COG5: variants seen among roughly 807,000 people sequenced by gnomAD.
The protein encoded by COG5 is component of oligomeric golgi complex 5.
A neutral mutation model predicts 110.4 loss-of-function variants in COG5; 86 were observed. The observed-to-expected ratio is 0.78, with a 90% CI of 0.65 to 0.93. The LOEUF (loss-of-function observed/expected upper bound fraction) is 0.93, where lower values mean the gene tolerates loss of function less well. COG5 is among the 40% of genes least tolerant of loss of function. The pLI, the probability that COG5 is intolerant of heterozygous loss-of-function variation, is 0.00. For missense variants in COG5, 1,077 were observed against 987.0 expected (o/e 1.09, Z -1.22); for synonymous variants, 360 against 334.6 (o/e 1.08, Z -0.83).
At chr7:107,273,111 C>T (rs1804415281) in intron 14 of COG5, among the ~76,000 whole-genome samples, 1 of 152,158 alleles carries the variant, frequency 6.6e-6, no homozygotes, top group Admixed American at 6.5e-5. Flanking sequence ...GTCTCCAATT[C>T]AGAACCCTAT....
chr7:107,527,431 C>T, intron 5 of COG5, 74 bp from the exon 6 acceptor site: 1 of 1,533,594 alleles, frequency 6.5e-7, no homozygotes, highest in Non-Finnish European at 8.9e-7. Context: ...TAATAACAAG[C>T]ACAGTGGGTT....
chr7:107,411,667 T>G (rs1455203517), intron 7 of COG5, among the ~76,000 whole-genome samples: 1 of 152,164 alleles, frequency 6.6e-6, no homozygotes, highest in Non-Finnish European at 1.5e-5. Flanking sequence ...AGTACCTGAT[T>G]CAGTTATATT....
chr7:107,334,233 A>G (rs1810510317), intron 10 of COG5, among the ~76,000 whole-genome samples: 1 of 152,158 alleles, frequency 6.6e-6, no homozygotes, highest in Admixed American at 6.6e-5. Flanking sequence ...AAAGAATGAA[A>G]TCCTGTCATT....
chr7:107,408,137 A>C (rs1791999652), intron 7 of COG5, among the ~76,000 whole-genome samples: 1 of 152,238 alleles, frequency 6.6e-6, no homozygotes, highest in Admixed American at 6.5e-5. Flanking sequence ...CTCGTGGGAC[A>C]AATCTGGTTT....
intron 6 of COG5, among the ~76,000 whole-genome samples, chr7:107,439,409 C>G (rs1056183241): frequency 6.6e-6 from 1 of 152,122 alleles, no homozygotes; most frequent in Non-Finnish European, 1.5e-5. Context: ...TTTTCTCGAG[C>G]CCATTATAAA....
At chr7:107,377,694 C>CA (rs1476396983) in intron 7 of COG5, among the ~76,000 whole-genome samples, 2 of 152,132 alleles carry the variant, frequency 1.3e-5, no homozygotes, top group Non-Finnish European at 2.9e-5. Context: ...TGCATAACAG[C>CA]AAAAATAAGA....
chr7:107,225,786 T>G (rs535576678), intron 19 of COG5, among the ~76,000 whole-genome samples: 11 of 152,352 alleles, frequency 7.2e-5, no homozygotes, highest in Admixed American at 3.3e-4. Flanking sequence ...CTCTTGCCTG[T>G]AATCCCAACA....
intron 5 of COG5, among the ~76,000 whole-genome samples, chr7:107,528,710 C>T (rs1289069477): frequency 6.6e-6 from 1 of 152,102 alleles, no homozygotes; most frequent in Non-Finnish European, 1.5e-5. Context: ...CCAAGGCTAA[C>T]TGAGAAGCAA....
intron 14 of COG5, among the ~76,000 whole-genome samples, chr7:107,279,430 A>T (rs530914843): frequency 6.6e-6 from 1 of 152,336 alleles, no homozygotes; most frequent in South Asian, 2.1e-4. Flanking sequence ...TATCCAATTC[A>T]AAAATCTGTT....
chr7:107,229,570 C>T (rs141046127), intron 19 of COG5, among the ~76,000 whole-genome samples: 1 of 152,246 alleles, frequency 6.6e-6, no homozygotes, highest in East Asian at 1.9e-4. Flanking sequence ...CTAGTAAAGA[C>T]CACAGTCATT....
intron 6 of COG5, among the ~76,000 whole-genome samples, chr7:107,413,081 A>C (rs1792429029): frequency 6.6e-6 from 1 of 151,888 alleles, no homozygotes; most frequent in African/African-American, 2.4e-5. Context: ...CACACATGTG[A>C]TTATAGTTCA....
chr7:107,468,634 T>G (rs767040036), intron 6 of COG5, among the ~76,000 whole-genome samples: 1 of 152,180 alleles, frequency 6.6e-6, no homozygotes, highest in Admixed American at 6.5e-5. Flanking sequence ...TCAACTTCTA[T>G]AGAAATGCAA....
chr7:107,552,929 T>A (rs781289584), intron 3 of COG5, among the ~76,000 whole-genome samples: 1 of 151,850 alleles, frequency 6.6e-6, no homozygotes, highest in Non-Finnish European at 1.5e-5. Flanking sequence ...TACACAGCCA[T>A]AAAAAAAGAA....
intron 7 of COG5, among the ~76,000 whole-genome samples, chr7:107,383,046 C>T (rs796298006): frequency 8.5e-5 from 13 of 152,212 alleles, no homozygotes; most frequent in African/African-American, 3.1e-4. Flanking sequence ...ATAGGATGCG[C>T]ATCACTCAGA....
At chr7:107,449,394 T>C (rs1795199114) in intron 6 of COG5, among the ~76,000 whole-genome samples, 1 of 152,246 alleles carries the variant, frequency 6.6e-6, no homozygotes. Flanking sequence ...ACTGTACTAC[T>C]GTAACAATTT....
At chr7:107,337,700 A>G (rs1013864062) in intron 10 of COG5, among the ~76,000 whole-genome samples, 2 of 152,184 alleles carry the variant, frequency 1.3e-5, no homozygotes, top group African/African-American at 2.4e-5. Context: ...GGCTAAAAAC[A>G]TACAGTTAGA....
intron 2 of COG5, among the ~76,000 whole-genome samples, chr7:107,556,345 A>G (rs1379704948): frequency 6.6e-6 from 1 of 152,222 alleles, no homozygotes; most frequent in Non-Finnish European, 1.5e-5. Flanking sequence ...AATGTTTTAC[A>G]ATTTTAGTCA....
intron 8 of COG5, among the ~76,000 whole-genome samples, chr7:107,362,658 T>C (rs182166767): frequency 8.2e-4 from 125 of 152,066 alleles, no homozygotes; most frequent in African/African-American, 2.9e-3. Context: ...GGTGTGAGAA[T>C]GGTGGGAAAT....
chr7:107,351,219 T>C (rs909079252), intron 10 of COG5, among the ~76,000 whole-genome samples: 2 of 152,198 alleles, frequency 1.3e-5, no homozygotes, highest in African/African-American at 4.8e-5. Context: ...AAGGATTCCC[T>C]GTTTAATAAA....
Sources: allele counts gnomAD v4.1 joint callset (sites outside exome capture counted in the v4.1 genomes callset), GRCh38; gene constraint gnomAD v4.1.1; transcripts MANE v1.5; gene names NCBI Gene and HGNC (gene_info 2026-07-23, HGNC 2026-07-21).